FRY: variants seen among roughly 807,000 people sequenced by gnomAD.
FRY encodes FRY microtubule binding protein.
FRY carries 128 observed loss-of-function variants against 348.4 expected under a neutral mutation model. That is an observed-to-expected ratio of 0.37 (90% CI 0.32 to 0.43). FRY has a LOEUF of 0.43. FRY is among the 20% of genes least tolerant of loss of function. The probability of loss-of-function intolerance (pLI) is 1.00; values close to 1 mark genes in which losing one functional copy is unlikely to be tolerated. For missense variants in FRY, 2,736 were observed against 3,695.2 expected (o/e 0.74, Z 6.73); for synonymous variants, 1,370 against 1,374.7 (o/e 1.00, Z 0.08).
At chr13:32,097,977 T>C (rs925535582) in intron 2 of FRY, among the ~76,000 whole-genome samples, 3 of 152,060 alleles carry the variant, frequency 2.0e-5, no homozygotes, top group South Asian at 2.1e-4. Context: ...ACAAGACATA[T>C]ACACAGAAAA....
At chr13:32,145,373 A>G (rs958765294) in intron 11 of FRY, among the ~76,000 whole-genome samples, 1 of 152,132 alleles carries the variant, frequency 6.6e-6, no homozygotes, top group African/African-American at 2.4e-5. Flanking sequence ...TAGCAAAGGA[A>G]ATGAGAATGG....
At chr13:32,096,496 A>G in intron 2 of FRY, among the ~76,000 whole-genome samples, 1 of 152,176 alleles carries the variant, frequency 6.6e-6, no homozygotes, top group East Asian at 1.9e-4. Flanking sequence ...AATATGATTA[A>G]GACAGTATAT....
intron 28 of FRY, among the ~76,000 whole-genome samples, chr13:32,191,399 C>G (rs1466106971): frequency 6.6e-6 from 1 of 152,070 alleles, no homozygotes; most frequent in Admixed American, 6.5e-5. Context: ...GCAGAGGGTT[C>G]TTATCTAGAA....
At chr13:32,134,222 T>C (rs569667414) in intron 8 of FRY, among the ~76,000 whole-genome samples, 40 of 152,332 alleles carry the variant, frequency 2.6e-4, no homozygotes, top group African/African-American at 9.6e-4. Context: ...AAAAAAATGT[T>C]GGCAGGCCAA....
chr13:32,151,300 T>TA (rs989146500), intron 14 of FRY, among the ~76,000 whole-genome samples: 4 of 151,796 alleles, frequency 2.6e-5, no homozygotes, highest in African/African-American at 7.3e-5. Context: ...AACTGTGATT[T>TA]AAAAAAAATA....
rs78889906 is a variant in FRY at position 32,198,977 on chromosome 13, A to G, written c.3747-2964A>G. Reference sequence around the variant, plus strand: ...GCACATTTGGTGTTTGTGGCACTATAATAATGAAAAAGTGAAAACAGTCTA... The same window carrying G: ...GCACATTTGGTGTTTGTGGCACTATGATAATGAAAAAGTGAAAACAGTCTA... On this transcript the variant is annotated intron_variant, in intron 29 of 60. Transcript: ENST00000542859. Among the ~76,000 whole-genome samples the G allele has an allele frequency of 1.3e-3, 204 of 152,338 alleles. 2 individuals are homozygous for G. The highest frequency in any genetic ancestry group is 0.01 in the Middle Eastern group (3 of 294).
chr13:32,144,265 G>GT lies in FRY; in HGVS notation c.1180-3008dup, dbSNP rs113250288. 5.8e-3 allele frequency among the ~76,000 whole-genome samples: 859 copies of GT among 147,020 alleles called. 8 individuals are homozygous for GT. The highest frequency in any genetic ancestry group is 0.021 in the African/African-American group (809 of 39,064). ...TAAATGTGTGCTTCTAAAAAGCCAG[G>GT]TTTTTTTTTCTCCATGAAGCTAAAC... On this transcript the variant is annotated intron_variant, in intron 11 of 60. Coordinates refer to ENST00000542859, the MANE Select transcript of FRY (RefSeq NM_023037.3).
At chr13:32,033,421 A>G (rs990497429) in intron 1 of FRY, among the ~76,000 whole-genome samples, 3 of 152,336 alleles carry the variant, frequency 2.0e-5, no homozygotes, top group Non-Finnish European at 2.9e-5. Context: ...TTGTCATTGC[A>G]TCATTAAATA....
chr13:32,192,061 T>A (rs1220681318), intron 28 of FRY, among the ~76,000 whole-genome samples: 1 of 152,106 alleles, frequency 6.6e-6, no homozygotes, highest in Non-Finnish European at 1.5e-5. Flanking sequence ...AAAGACAGGC[T>A]GGTGTTTAAG....
Position 32,034,702 on chromosome 13 carries a change from G to C in FRY, c.70+2837G>C, listed in dbSNP as rs561074208. Among the ~76,000 whole-genome samples, 3 of 152,240 alleles carry C rather than the reference G, an allele frequency of 2.0e-5. No homozygotes were observed. The South Asian group carries it at 6.2e-4, about 32-fold the overall frequency. On this transcript the variant is annotated intron_variant, in intron 1 of 60. Coordinates refer to ENST00000542859, the MANE Select transcript of FRY (RefSeq NM_023037.3). ...TCCAGTGGTGTCCTCACAGTCAAAG[G>C]CTGCTCCCCAGCTCCCTTTTGCCTC...
rs941205447 is a variant in FRY, at chr13:32,201,983, A to G, written c.3789A>G (p.Leu1263=). ...TAGTGACATTGTTAAACCTTGTTCTATTCAAGGCCTCTGACACCAACAGAG... is the reference window on the plus strand; with the variant it reads ...TAGTGACATTGTTAAACCTTGTTCTGTTCAAGGCCTCTGACACCAACAGAG... ...FDIVTLLNLV[L]FKASDTNREI... Residue 1263 remains leucine (L), a synonymous_variant, in exon 30 of 61, where the codon CTA becomes CTG. Coordinates refer to ENST00000542859, the MANE Select transcript of FRY (RefSeq NM_023037.3). 3 of 1,608,284 alleles carry G rather than the reference A, an allele frequency of 1.9e-6. No individual in the cohort carries two copies. The highest frequency in any genetic ancestry group is 2.6e-6 in the Non-Finnish European group (3 of 1,174,810).
In FRY at chr13:32,249,677, A is replaced by G. The variant is rs1343612998; in HGVS notation, c.7160A>G (p.Gln2387Arg). 1 of 1,613,926 alleles carries G rather than the reference A, an allele frequency of 6.2e-7. No individual in the cohort carries two copies. The highest frequency in any genetic ancestry group is 8.5e-7 in the Non-Finnish European group (1 of 1,179,962). Reference sequence around the variant, plus strand: ...GTTCCAGTGAGCTGGAAAAGGCCCCAGTATTCTCAGGTATGCAATCCTAGA... The same window carrying G: ...GTTCCAGTGAGCTGGAAAAGGCCCCGGTATTCTCAGGTATGCAATCCTAGA... Reference protein sequence around the residue: ...VLVPVSWKRPQYSQKRTKEKL... With the variant: ...VLVPVSWKRPRYSQKRTKEKL... Residue 2387 changes from glutamine to arginine, a missense_variant, in exon 49 of 61, where the codon CAG (glutamine) becomes CGG (arginine). By Grantham distance (43) the Gln-to-Arg change is conservative. Around this residue, in one of 9 missense-constraint regions of FRY, gnomAD observed 789 missense variants for 996.2 expected, o/e 0.79. Transcript: ENST00000542859.
At chr13:32,228,318 G>A in intron 39 of FRY, 138 bp from the exon 40 acceptor site, 3 of 770,612 alleles carry the variant, frequency 3.9e-6, no homozygotes, top group South Asian at 2.8e-5. Flanking sequence ...TTTAATCATA[G>A]CCACAGCCGA....
intron 36 of FRY, among the ~76,000 whole-genome samples, chr13:32,221,564 G>A (rs141668879): frequency 1.3e-5 from 2 of 152,328 alleles, no homozygotes; most frequent in Non-Finnish European, 2.9e-5. Flanking sequence ...CCAGGCTATA[G>A]TGCAATGTCA....
intron 59 of FRY, among the ~76,000 whole-genome samples, chr13:32,293,208 G>C (rs1203639997): frequency 6.6e-6 from 1 of 152,104 alleles, no homozygotes; most frequent in Non-Finnish European, 1.5e-5. Flanking sequence ...TACTACATAA[G>C]TTTTAAATAA....
intron 1 of FRY, among the ~76,000 whole-genome samples, chr13:32,039,586 T>G (rs1872673840): frequency 6.6e-6 from 1 of 152,154 alleles, no homozygotes; most frequent in Non-Finnish European, 1.5e-5. Context: ...TCTTACACTT[T>G]TCTATTTTTC....
At chr13:32,205,189 C>T (rs9567426) in intron 31 of FRY, among the ~76,000 whole-genome samples, 6,377 of 117,712 alleles carry the variant, frequency 0.054, 300 homozygotes, top group East Asian at 0.29. Context: ...AGCGACAGAG[C>T]GAGACTCTGT....
intron 58 of FRY, among the ~76,000 whole-genome samples, chr13:32,285,354 CAA>C (rs1888994239): frequency 6.6e-6 from 1 of 152,106 alleles, no homozygotes. Flanking sequence ...CTGTGGCCTA[CAA>C]AAAGATTCTG....
At chr13:32,133,764 C>CTT (rs1259372646) in intron 8 of FRY, among the ~76,000 whole-genome samples, 89 of 108,414 alleles carry the variant, frequency 8.2e-4, no homozygotes, top group Middle Eastern at 5.4e-3. Flanking sequence ...TTCTTTCTTT[C>CTT]TTTCTTTTTT....
Sources: gnomAD v4.1 joint callset for allele counts (sites outside exome capture counted in the v4.1 genomes callset) on GRCh38, gnomAD v4.1.1 for gene constraint, gnomAD v4.1.1 regional missense constraint, MANE v1.5 for transcripts, NCBI Gene and HGNC (gene_info 2026-07-23, HGNC 2026-07-21) for gene names.